The following SLC4A8 variants were observed in gnomAD, a reference collection of about 807,000 sequenced individuals.
SLC4A8 encodes the protein solute carrier family 4 member 8.
In SLC4A8, 40 loss-of-function variants were observed where a neutral mutation model predicts 125.0. The observed-to-expected ratio is 0.32, with a 90% CI of 0.25 to 0.42. The LOEUF (loss-of-function observed/expected upper bound fraction) is 0.42, where lower values mean the gene tolerates loss of function less well. Ranked by LOEUF, SLC4A8 falls within the 10% of genes least tolerant of loss-of-function variation. SLC4A8 has a pLI of 1.00. For missense variants in SLC4A8, 863 were observed against 1,355.1 expected (o/e 0.64, Z 5.70); for synonymous variants, 456 against 476.0 (o/e 0.96, Z 0.55).
At chr12:51,396,681 TAA>T (rs11324810) in intron 1 of SLC4A8, among the ~76,000 whole-genome samples, 305 of 143,314 alleles carry the variant, frequency 2.1e-3, no homozygotes, top group South Asian at 3.5e-3. Flanking sequence ...CATCTTTATT[TAA>T]AAAAAAAAAA....
intron 5 of SLC4A8, among the ~76,000 whole-genome samples, chr12:51,455,302 G>C (rs900450732): frequency 6.6e-6 from 1 of 151,626 alleles, no homozygotes; most frequent in African/African-American, 2.4e-5. Flanking sequence ...AGAAAGAAAC[G>C]GTTCCTACCT....
rs944656373 is a variant in SLC4A8, at chr12:51,510,464, C to G, written c.*3026C>G. The G allele has an allele frequency of 6.6e-6, 1 of 151,586 alleles. No individual in the cohort carries two copies. Among genetic ancestry groups the G allele is most frequent in the East Asian group, 1.9e-4 (1 of 5,174 alleles). 9.4% of individuals were successfully genotyped at this position (151,586 alleles called of 1,614,324 possible). On this transcript the variant is annotated 3_prime_UTR_variant, in exon 25 of 25. Transcript: ENST00000453097. ...AAAAAACTTCCCAATAGGAGGTATT[C>G]CTTGATGGCTCTCGAATGCATGAAT...
intron 1 of SLC4A8, among the ~76,000 whole-genome samples, chr12:51,415,790 T>A (rs1216245542): frequency 6.7e-6 from 1 of 148,700 alleles, no homozygotes; most frequent in Non-Finnish European, 1.5e-5. Flanking sequence ...GAGGCGAGCA[T>A]TGAAAATTTA....
intron 17 of SLC4A8, 84 bp downstream of exon 17, chr12:51,485,984 C>A: frequency 1.3e-6 from 1 of 780,714 alleles, no homozygotes; most frequent in South Asian, 1.7e-5. Flanking sequence ...CTTTTCATAT[C>A]CTAATCCTGA....
chr12:51,462,084 A>G (rs1196676592), intron 9 of SLC4A8: 1 of 518,570 alleles, frequency 1.9e-6, no homozygotes, highest in Non-Finnish European at 3.4e-6. Context: ...ATCTCTTCTT[A>G]TACTAGCAGA....
At chr12:51,423,756 G>A (rs1313768690), upstream of SLC4A8, among the ~76,000 whole-genome samples, 11 of 152,084 alleles carry the variant, frequency 7.2e-5, no homozygotes, top group African/African-American at 1.9e-4. Flanking sequence ...CCCCACGGCC[G>A]GGTGCCATGG....
intron 17 of SLC4A8, 57 bp from the exon 18 acceptor site, chr12:51,488,641 AT>A: frequency 7.8e-7 from 1 of 1,283,660 alleles, no homozygotes; most frequent in South Asian, 1.5e-5. Flanking sequence ...CCAGTTTGAT[AT>A]GTTTTACCCC....
intron 1 of SLC4A8, among the ~76,000 whole-genome samples, chr12:51,432,878 C>T (rs1319889178): frequency 6.6e-6 from 1 of 152,080 alleles, no homozygotes; most frequent in Non-Finnish European, 1.5e-5. Context: ...AATGTATGTA[C>T]TCTCTGAAAA....
At chr12:51,461,136 T>G in intron 8 of SLC4A8, 68 bp from the exon 9 acceptor site, 1 of 761,824 alleles carries the variant, frequency 1.3e-6, no homozygotes, top group South Asian at 1.6e-5. Context: ...TCTTATACTG[T>G]TTAGAGAGGA....
chr12:51,393,205 C>T (rs544254781), intron 1 of SLC4A8, among the ~76,000 whole-genome samples: 14 of 152,070 alleles, frequency 9.2e-5, no homozygotes, highest in Admixed American at 3.3e-4. Flanking sequence ...GCCTTGACCT[C>T]CGGGTCTCAA....
At chr12:51,437,314 G>A (rs758056595) in intron 1 of SLC4A8, among the ~76,000 whole-genome samples, 8 of 152,186 alleles carry the variant, frequency 5.3e-5, no homozygotes, top group African/African-American at 2.4e-5. Context: ...TAGAAGGAAG[G>A]TGATATCGTT....
At chr12:51,492,728 T>A (rs1951349740) in intron 19 of SLC4A8, among the ~76,000 whole-genome samples, 1 of 152,138 alleles carries the variant, frequency 6.6e-6, no homozygotes, top group South Asian at 2.1e-4. Context: ...AACGTGCAGG[T>A]TTGTTACCTA....
intron 2 of SLC4A8, among the ~76,000 whole-genome samples, chr12:51,444,046 G>C (rs1949688246): frequency 6.6e-6 from 1 of 152,136 alleles, no homozygotes; most frequent in Non-Finnish European, 1.5e-5. Flanking sequence ...CACACAGATA[G>C]TTCCAAAAGA....
At chr12:51,422,002 C>T (rs3741701), upstream of SLC4A8, 62,417 of 152,060 alleles carry the variant, frequency 0.41, 12,887 homozygotes, top group Admixed American at 0.44. Context: ...GATTGTAAGG[C>T]TTATGAGGCC....
intron 14 of SLC4A8, among the ~76,000 whole-genome samples, chr12:51,472,005 C>A (rs1405302131): frequency 6.6e-6 from 1 of 152,186 alleles, no homozygotes; most frequent in Non-Finnish European, 1.5e-5. Context: ...ATTAATCATT[C>A]CTTTCAGATC....
chr12:51,457,633 C>A, intron 6 of SLC4A8, 94 bp downstream of exon 6: 1 of 1,187,542 alleles, frequency 8.4e-7, no homozygotes. Context: ...CTGTATTTGT[C>A]TAATATGTTT....
At chr12:51,409,295 T>C (rs1380959390) in intron 1 of SLC4A8, among the ~76,000 whole-genome samples, 1 of 152,212 alleles carries the variant, frequency 6.6e-6, no homozygotes, top group Non-Finnish European at 1.5e-5. Context: ...TTTTTTCTTC[T>C]AGTTCTTGCA....
Position 51,403,260 on chromosome 12 carries a change from C to A in SLC4A8, c.-112+11772C>A, listed in dbSNP as rs200090997. ...CTTTACTGAGTTGGGGCCACTCAAG[C>A]CTGAACAGAAGGATCAGTGGAGCCA... On this transcript the variant is annotated intron_variant, in intron 1 of 24. Transcript: ENST00000358657. The A allele has an allele frequency of 7.2e-5, 33 of 456,744 alleles. 1 individual carries two copies. The highest frequency in any genetic ancestry group is 4.7e-4 in the Admixed American group (20 of 42,550). 28.3% of individuals were successfully genotyped at this position (456,744 alleles called of 1,614,324 possible). A position where few individuals can be genotyped will look rare whatever the true frequency, so the allele number is the denominator to read the frequency against.
chr12:51,460,310 C>A (rs1431760289), intron 8 of SLC4A8, among the ~76,000 whole-genome samples: 1 of 151,990 alleles, frequency 6.6e-6, no homozygotes, highest in African/African-American at 2.4e-5. Flanking sequence ...TACTTGAGCC[C>A]AGGAGTTTGA....
Sources: allele counts gnomAD v4.1 joint callset (sites outside exome capture counted in the v4.1 genomes callset), GRCh38; gene constraint gnomAD v4.1.1; transcripts MANE v1.5; gene names NCBI Gene and HGNC (gene_info 2026-07-23, HGNC 2026-07-21).